The following SRFBP1 variants were observed in gnomAD, a reference collection of about 807,000 sequenced individuals.
SRFBP1 encodes the protein serum response factor binding protein 1.
SRFBP1 carries 47 observed loss-of-function variants against 45.5 expected under a neutral mutation model. The observed-to-expected ratio is 1.03, with a 90% confidence interval of 0.82 to 1.32. The LOEUF is 1.32. Among genes scored for constraint, SRFBP1 ranks in the 40% most tolerant of loss-of-function variants. The pLI is 0.00. For synonymous variants in SRFBP1, 203 were observed against 166.3 expected (o/e 1.22, Z -1.70); for missense variants, 621 against 484.6 (o/e 1.28, Z -2.64).
intron 3 of SRFBP1, among the ~76,000 whole-genome samples, chr5:121,984,814 A>G (rs935409065): frequency 1.3e-5 from 2 of 151,820 alleles, no homozygotes; most frequent in East Asian, 3.9e-4. Context: ...CAGATCAGCT[A>G]TACCACACAA....
chr5:122,031,623 C>G (rs6891728), downstream of SRFBP1, among the ~76,000 whole-genome samples: 4,181 of 152,196 alleles, frequency 0.027, 202 homozygotes, highest in African/African-American at 0.095. Context: ...TGATGAAAGT[C>G]TCATGTCAAC....
At chr5:121,978,678 G>A (rs1019440968) in intron 3 of SRFBP1, among the ~76,000 whole-genome samples, 4 of 152,118 alleles carry the variant, frequency 2.6e-5, no homozygotes, top group Non-Finnish European at 5.9e-5. Context: ...TTTTAGTAGA[G>A]ACAAGGTGTT....
chr5:122,001,887 T>G (rs977417858), intron 4 of SRFBP1, among the ~76,000 whole-genome samples: 2 of 152,178 alleles, frequency 1.3e-5, no homozygotes, highest in Non-Finnish European at 2.9e-5. Context: ...AAAGCATTGC[T>G]AAGGACAGTA....
At chr5:122,034,239 T>A (rs1216794155) in intron 2 of SRFBP1, among the ~76,000 whole-genome samples, 1 of 152,214 alleles carries the variant, frequency 6.6e-6, no homozygotes, top group Non-Finnish European at 1.5e-5. Context: ...AGTAAGCCCT[T>A]TCACATGTGT....
At chr5:122,041,677 T>TA (rs149796814) in intron 2 of SRFBP1, among the ~76,000 whole-genome samples, 2,645 of 152,260 alleles carry the variant, frequency 0.017, 32 homozygotes, top group Admixed American at 0.043. Flanking sequence ...TCAGCCACCT[T>TA]ACAAAACTCT....
intron 2 of SRFBP1, chr5:122,064,002 A>G (rs866908077): frequency 1.2e-4 from 18 of 151,998 alleles, no homozygotes; most frequent in Middle Eastern, 3.2e-3. Context: ...TGCTAGCCTC[A>G]GAGGTCAAGA....
chr5:122,074,647 T>G (rs1754562911), intron 2 of SRFBP1, among the ~76,000 whole-genome samples: 1 of 152,340 alleles, frequency 6.6e-6, no homozygotes, highest in East Asian at 1.9e-4. Context: ...GCATGTTTTA[T>G]CCACCATTAT....
chr5:122,054,784 G>C (rs1450047919), intron 2 of SRFBP1, among the ~76,000 whole-genome samples: 1 of 151,988 alleles, frequency 6.6e-6, no homozygotes, highest in Non-Finnish European at 1.5e-5. Context: ...TAGGCAAATG[G>C]ATATATTTAT....
At chr5:122,070,185 G>C (rs199747432) in intron 2 of SRFBP1, 2 of 1,350,432 alleles carry the variant, frequency 1.5e-6, no homozygotes, top group African/African-American at 2.9e-5. Context: ...AACACAAAGA[G>C]TTCCTCAGTA....
intron 2 of SRFBP1, chr5:122,064,012 A>T (rs1439051720): frequency 6.6e-6 from 1 of 151,960 alleles, no homozygotes; most frequent in African/African-American, 2.4e-5. Context: ...AGAGGTCAAG[A>T]CATCTTTAAC....
rs747617108 is a variant in SRFBP1, at chr5:121,975,364, C to T, written c.175C>T (p.Leu59Phe). The change falls in exon 3 of 8, where the codon CTT (leucine) becomes TTT (phenylalanine). Residue 59 changes from leucine (L) to phenylalanine (F), a missense_variant. Physicochemically the swap from Leu to Phe is conservative, Grantham distance 22 (BLOSUM62 0). Coordinates refer to ENST00000339397, the MANE Select transcript of SRFBP1 (RefSeq NM_152546.3). Reference protein sequence around the residue: ...LKNQRRAQRLLEEIHAMKELK... With the variant: ...LKNQRRAQRLFEEIHAMKELK... ...AAACCAAAGACGGGCGCAAAGATTG[C>T]TTGAAGAAATCCATGCCATGAAGGT... The T allele has an allele frequency of 5.6e-6, 9 of 1,613,212 alleles. 1 individual carries two copies. The South Asian group carries it at 8.8e-5, about 16-fold the overall frequency.
At chr5:121,969,921 C>T (rs1340422808) in intron 1 of SRFBP1, among the ~76,000 whole-genome samples, 1 of 152,078 alleles carries the variant, frequency 6.6e-6, no homozygotes, top group African/African-American at 2.4e-5. Flanking sequence ...TTCCTCTGTT[C>T]TTTCCGTCCC....
At chr5:122,013,376 A>G (rs1445446359) in intron 4 of SRFBP1, among the ~76,000 whole-genome samples, 3 of 152,152 alleles carry the variant, frequency 2.0e-5, no homozygotes, top group African/African-American at 7.2e-5. Context: ...TATATACACC[A>G]TAAAATTACG....
Position 122,058,528 on chromosome 5 carries a change from TAGTGTG to T in SRFBP1, n.312-16786_312-16781del, listed in dbSNP as rs1244742272. On this transcript the variant is annotated intron_variant and non_coding_transcript_variant, in intron 2 of 2. Coordinates refer to the SRFBP1 transcript ENST00000504881. ...TCATAGCTGTGAGAAGACAATGAGA[TAGTGTG>T]TGTGTGTGTGTGTGTGTGTGTGTGT... is the stretch of plus-strand genomic sequence containing the variant. 9.7e-4 allele frequency among the ~76,000 whole-genome samples: 114 copies of T among 117,774 alleles called. 1 individual carries two copies. The highest frequency in any genetic ancestry group is 3.9e-3 in the African/African-American group (105 of 26,670). The allele number at this position is 117,774 out of a possible 152,430, so 77.3% of individuals were successfully genotyped here.
chr5:122,056,075 C>A (rs116833887), intron 2 of SRFBP1, among the ~76,000 whole-genome samples: 1 of 152,154 alleles, frequency 6.6e-6, no homozygotes, highest in Non-Finnish European at 1.5e-5. Flanking sequence ...CCTTTCACTC[C>A]GGTCCCCAAA....
rs546642926 is a variant in SRFBP1, at chr5:121,995,547, T to C, written c.270+877T>C. Among the ~76,000 whole-genome samples, 95 of 151,812 alleles carry C rather than the reference T, an allele frequency of 6.3e-4. 2 individuals are homozygous for C. In the East Asian group the frequency reaches 0.015, roughly 24 times the overall value. On this transcript the variant is annotated intron_variant, in intron 4 of 7. Coordinates refer to ENST00000339397, the MANE Select transcript of SRFBP1 (RefSeq NM_152546.3). ...GAGGGAAATTTATAGCACTAAATGC[T>C]GACAAGAGAAAGCAGGAAAGATCCA... is the stretch of plus-strand genomic sequence containing the variant.
intron 7 of SRFBP1, among the ~76,000 whole-genome samples, chr5:122,024,761 A>T (rs1174038935): frequency 6.6e-6 from 1 of 152,214 alleles, no homozygotes; most frequent in African/African-American, 2.4e-5. Flanking sequence ...TAAATATAAG[A>T]CATACCTACA....
chr5:121,978,176 G>A lies in SRFBP1; in HGVS notation c.198+2789G>A, dbSNP rs539427082. On this transcript the variant is annotated intron_variant, in intron 3 of 7. Transcript: ENST00000339397. ...TACTATGTGCCAGGCATTATATTAT[G>A]TGTTTTATATTTACTGTCTCACTAG... is the stretch of plus-strand genomic sequence containing the variant. 2.6e-5 allele frequency among the ~76,000 whole-genome samples: 4 copies of A among 152,232 alleles called. No homozygotes were observed. In the South Asian group the frequency reaches 8.3e-4, roughly 32 times the overall value.
chr5:122,076,734 C>G (rs1298019945), downstream of SRFBP1, among the ~76,000 whole-genome samples: 3 of 152,130 alleles, frequency 2.0e-5, no homozygotes, highest in African/African-American at 7.2e-5. Context: ...ATTAACTCTC[C>G]GTCCAGGTCA....
Sources: gnomAD v4.1 joint callset for allele counts (sites outside exome capture counted in the v4.1 genomes callset) on GRCh38, gnomAD v4.1.1 for gene constraint, MANE v1.5 for transcripts, NCBI Gene and HGNC (gene_info 2026-07-23, HGNC 2026-07-21) for gene names.